The following SRBD1 variants were observed in gnomAD, a reference collection of about 807,000 sequenced individuals.
SRBD1 encodes the protein S1 RNA-binding domain-containing protein 1.
A neutral mutation model predicts 115.3 loss-of-function variants in SRBD1; 88 were observed. That is an observed-to-expected ratio of 0.76 (90% CI 0.64 to 0.91). The LOEUF (loss-of-function observed/expected upper bound fraction) is 0.91, where lower values mean the gene tolerates loss of function less well. Among genes scored for constraint, SRBD1 ranks in the 40% least tolerant of loss-of-function variants. The pLI is 0.00. For synonymous variants in SRBD1, 509 were observed against 407.7 expected, an observed-to-expected ratio of 1.25 and a Z score of -2.99; for missense variants, 1,385 against 1,177.4, an observed-to-expected ratio of 1.18 and a Z score of -2.58.
chr2:45,475,563 C>G (rs1196120321), intron 16 of SRBD1, among the ~76,000 whole-genome samples: 1 of 152,182 alleles, frequency 6.6e-6, no homozygotes, highest in Non-Finnish European at 1.5e-5. Context: ...AAGTCAATAG[C>G]TTATTAGCCT....
At chr2:45,538,987 G>A (rs1250582822) in intron 14 of SRBD1, among the ~76,000 whole-genome samples, 2 of 152,052 alleles carry the variant, frequency 1.3e-5, no homozygotes, top group Non-Finnish European at 2.9e-5. Context: ...TAGATATCCT[G>A]AGGAAAGAAC....
chr2:45,475,071 T>A (rs1669766190), intron 16 of SRBD1, among the ~76,000 whole-genome samples: 1 of 152,210 alleles, frequency 6.6e-6, no homozygotes, highest in Admixed American at 6.5e-5. Context: ...AACTCCTACT[T>A]GACATCTTTC....
At chr2:45,521,427 G>C (rs1356992259) in intron 14 of SRBD1, among the ~76,000 whole-genome samples, 1 of 151,682 alleles carries the variant, frequency 6.6e-6, no homozygotes, top group East Asian at 1.9e-4. Flanking sequence ...AGTCACTAGG[G>C]AAATGTAAGT....
Position 45,599,767 on chromosome 2 carries a change from A to G in SRBD1, c.330T>C (p.Thr110=). 6.2e-7 allele frequency: 1 copy of G among 1,614,178 alleles called. No individual in the cohort carries two copies. Among genetic ancestry groups the G allele is most frequent in the Non-Finnish European group, 8.5e-7 (1 of 1,180,038 alleles). ...DRKNKLDTVQ[T]LKTAKTKQKC... ...TCTGTTTTGTCTTGGCTGTTTTCAG[A>G]GTCTGTACAGTATCCAATTTATTTT... The change falls in exon 4 of 21, where the codon ACT becomes ACC. Residue 110 remains threonine (T), a synonymous_variant. Transcript: ENST00000263736.
intron 14 of SRBD1, among the ~76,000 whole-genome samples, chr2:45,495,500 C>G (rs1206107216): frequency 6.6e-6 from 1 of 152,010 alleles, no homozygotes; most frequent in Non-Finnish European, 1.5e-5. Context: ...CCTCTCTCCC[C>G]GCATTCTGCT....
At chr2:45,391,259 C>T (rs1666990516) in intron 20 of SRBD1, among the ~76,000 whole-genome samples, 1 of 152,138 alleles carries the variant, frequency 6.6e-6, no homozygotes, top group African/African-American at 2.4e-5. Flanking sequence ...ACTTTCATAG[C>T]CAAGCATTTT....
At chr2:45,414,685 T>C (rs1228670127) in intron 18 of SRBD1, among the ~76,000 whole-genome samples, 4 of 148,652 alleles carry the variant, frequency 2.7e-5, no homozygotes, top group African/African-American at 5.0e-5. Flanking sequence ...AGTATGTATA[T>C]ACACACACAC....
chr2:45,565,337 A>T (rs115317982), intron 9 of SRBD1, among the ~76,000 whole-genome samples: 1 of 152,318 alleles, frequency 6.6e-6, no homozygotes, highest in African/African-American at 2.4e-5. Context: ...ATATAGTGTC[A>T]ACTGATTTTC....
chr2:45,430,343 C>T (rs1338224891), intron 16 of SRBD1, among the ~76,000 whole-genome samples: 1 of 152,112 alleles, frequency 6.6e-6, no homozygotes, highest in Admixed American at 6.5e-5. Flanking sequence ...CAAAATAATC[C>T]TAAGCAAAAA....
At chr2:45,565,003 G>T (rs1406190163) in intron 9 of SRBD1, among the ~76,000 whole-genome samples, 1 of 152,132 alleles carries the variant, frequency 6.6e-6, no homozygotes, top group Non-Finnish European at 1.5e-5. Context: ...AAATACCCAT[G>T]AACATCCCAT....
chr2:45,543,096 T>G (rs1671998342), intron 14 of SRBD1, among the ~76,000 whole-genome samples: 1 of 152,186 alleles, frequency 6.6e-6, no homozygotes, highest in South Asian at 2.1e-4. Flanking sequence ...CCCATAAAAC[T>G]GTAGAATTTT....
chr2:45,549,852 G>A (rs1672242117), intron 12 of SRBD1, among the ~76,000 whole-genome samples: 1 of 152,044 alleles, frequency 6.6e-6, no homozygotes, highest in African/African-American at 2.4e-5. Flanking sequence ...AAAAGAGCAA[G>A]ACCCTGACTC....
chr2:45,427,591 G>T (rs1037377064), intron 16 of SRBD1, among the ~76,000 whole-genome samples: 28 of 152,022 alleles, frequency 1.8e-4, no homozygotes, highest in African/African-American at 6.8e-4. Context: ...CTAAATAGAG[G>T]GACTCCTCCC....
intron 1 of SRBD1, among the ~76,000 whole-genome samples, chr2:45,608,759 A>C (rs1477558133): frequency 2.0e-5 from 3 of 152,030 alleles, no homozygotes; most frequent in African/African-American, 7.3e-5. Context: ...TTCCTATTCC[A>C]GTCCTTCCCA....
intron 16 of SRBD1, among the ~76,000 whole-genome samples, chr2:45,440,789 TGAGAGAGACAGAAA>T (rs947588814): frequency 2.6e-5 from 4 of 151,976 alleles, no homozygotes; most frequent in South Asian, 2.1e-4. Context: ...TGGTTCTGTG[TGAGAGAGACAGAAA>T]GAGAGAGACA....
chr2:45,457,687 A>G (rs1158907502), intron 16 of SRBD1, among the ~76,000 whole-genome samples: 1 of 152,036 alleles, frequency 6.6e-6, no homozygotes. Context: ...ATGTTCTGGT[A>G]AAAACCTAAA....
chr2:45,502,213 C>G (rs113740903), intron 14 of SRBD1, among the ~76,000 whole-genome samples: 1 of 152,202 alleles, frequency 6.6e-6, no homozygotes, highest in Admixed American at 6.5e-5. Context: ...CTCCAACAGA[C>G]CTGCAGCTAA....
At chr2:45,438,550 C>G (rs934497304) in intron 16 of SRBD1, among the ~76,000 whole-genome samples, 4 of 151,936 alleles carry the variant, frequency 2.6e-5, no homozygotes, top group African/African-American at 9.7e-5. Flanking sequence ...CTTTAATAAA[C>G]AAAGAATAAA....
intron 15 of SRBD1, among the ~76,000 whole-genome samples, chr2:45,487,681 G>C (rs555728623): frequency 3.1e-4 from 47 of 152,144 alleles, no homozygotes; most frequent in African/African-American, 9.9e-4. Flanking sequence ...ATTTGAGAGA[G>C]TCTTGCTCTG....
Sources: gnomAD v4.1 joint callset for allele counts (sites outside exome capture counted in the v4.1 genomes callset) on GRCh38, gnomAD v4.1.1 for gene constraint, MANE v1.5 for transcripts, NCBI Gene and HGNC (gene_info 2026-07-23, HGNC 2026-07-21) for gene names.